HCRTR2: variants seen among roughly 807,000 people sequenced by gnomAD.
HCRTR2 encodes the protein orexin receptor type 2.
Under a neutral mutation model 49.0 loss-of-function variants are expected in HCRTR2, and 22 were observed. The ratio of observed to expected loss-of-function variants is 0.45; its 90% CI spans 0.32 to 0.64. The LOEUF (loss-of-function observed/expected upper bound fraction) is 0.64, where lower values mean the gene tolerates loss of function less well. HCRTR2 is among the 30% of genes least tolerant of loss of function. The probability of loss-of-function intolerance (pLI) is 0.04; values close to 1 mark genes in which losing one functional copy is unlikely to be tolerated. For synonymous variants in HCRTR2, 236 were observed against 205.3 expected (o/e 1.15, Z -1.28); for missense variants, 491 against 559.4 (o/e 0.88, Z 1.23).
chr6:55,194,178 G>T (rs1330898834), intron 1 of HCRTR2, among the ~76,000 whole-genome samples: 1 of 152,102 alleles, frequency 6.6e-6, no homozygotes. Context: ...ACCTTAGAAT[G>T]GGAGTTTCCA....
chr6:55,177,657 T>G (rs1488832055), intron 1 of HCRTR2, among the ~76,000 whole-genome samples: 1 of 152,174 alleles, frequency 6.6e-6, no homozygotes, highest in African/African-American at 2.4e-5. Flanking sequence ...ACAAATATAA[T>G]GCCATCAGTT....
At position 55,174,772 on chromosome 6, in the gene HCRTR2, T is replaced by A; in HGVS notation, c.185T>A (p.Ile62Asn). 1 of 1,613,954 alleles carries A rather than the reference T, an allele frequency of 6.2e-7. No homozygotes were observed. The highest frequency in any genetic ancestry group is 1.1e-5 in the South Asian group (1 of 91,078). The change falls in exon 1 of 7, where the codon ATC (isoleucine) becomes AAC (asparagine). Residue 62 changes from isoleucine to asparagine, a missense_variant. Transcript: ENST00000370862. ...EYEWVLIAGY[I>N]IVFVVALIGN... The stretch of plus-strand genomic sequence containing the variant: ...GAGTGGGTCCTGATCGCCGGGTACA[T>A]CATCGTGTTCGTCGTGGCTCTCATT...
chr6:55,162,654 A>C (rs899180794), intron 1 of HCRTR2, among the ~76,000 whole-genome samples: 1 of 152,212 alleles, frequency 6.6e-6, no homozygotes, highest in Non-Finnish European at 1.5e-5. Context: ...AGGATACAAA[A>C]TCAATGTGCA....
At chr6:55,248,361 A>G (rs1460706930) in intron 1 of HCRTR2, among the ~76,000 whole-genome samples, 1 of 152,120 alleles carries the variant, frequency 6.6e-6, no homozygotes, top group Non-Finnish European at 1.5e-5. Flanking sequence ...TGAATCAAAG[A>G]CCATTTTAAA....
At chr6:55,208,319 TAAAAAAATAA>T (rs1423488387) in intron 1 of HCRTR2, among the ~76,000 whole-genome samples, 1 of 126,736 alleles carries the variant, frequency 7.9e-6, no homozygotes, top group Non-Finnish European at 1.7e-5. Context: ...CTACGAAAAA[TAAAAAAATAA>T]AAAAAAAAAA....
chr6:55,262,721 T>C (rs1287028391), intron 3 of HCRTR2, among the ~76,000 whole-genome samples: 2 of 137,836 alleles, frequency 1.5e-5, no homozygotes, highest in African/African-American at 2.7e-5. Flanking sequence ...TGTATTTATG[T>C]ACATATATAA....
chr6:55,162,061 T>C (rs937671304), intron 1 of HCRTR2, among the ~76,000 whole-genome samples: 1 of 152,192 alleles, frequency 6.6e-6, no homozygotes, highest in Non-Finnish European at 1.5e-5. Context: ...AATATATCCC[T>C]GATTAACACC....
intron 1 of HCRTR2, among the ~76,000 whole-genome samples, chr6:55,122,780 T>C (rs1441972969): frequency 1.3e-5 from 2 of 152,026 alleles, no homozygotes; most frequent in South Asian, 2.1e-4. Context: ...TGGAATACTA[T>C]GCAGCCATAA....
chr6:55,139,345 C>T (rs1669372674), intron 1 of HCRTR2, among the ~76,000 whole-genome samples: 1 of 152,154 alleles, frequency 6.6e-6, no homozygotes, highest in South Asian at 2.1e-4. Context: ...TTAGTGCACA[C>T]ACAGGGACAT....
chr6:55,117,704 C>G (rs1764137407), intron 1 of HCRTR2, among the ~76,000 whole-genome samples: 1 of 148,524 alleles, frequency 6.7e-6, no homozygotes, highest in African/African-American at 2.5e-5. Flanking sequence ...GATTTCACTT[C>G]CTGATTCCAC....
chr6:55,279,520 A>AAACACATACACACACACACACAC (rs1767146283), intron 5 of HCRTR2, among the ~76,000 whole-genome samples: 1 of 142,680 alleles, frequency 7.0e-6, no homozygotes, highest in African/African-American at 2.6e-5. Flanking sequence ...TTCTTGCTGT[A>AAACACATACACACACACACACAC]ACACACACAC....
chr6:55,224,516 G>A (rs1041014646), intron 1 of HCRTR2, among the ~76,000 whole-genome samples: 4 of 151,974 alleles, frequency 2.6e-5, no homozygotes, highest in Admixed American at 6.6e-5. Context: ...CCAGCTACCC[G>A]GGAGGCTGAG....
intron 1 of HCRTR2, among the ~76,000 whole-genome samples, chr6:55,167,789 C>T (rs1764898518): frequency 6.6e-6 from 1 of 152,086 alleles, no homozygotes; most frequent in African/African-American, 2.4e-5. Context: ...AGACTTGAAC[C>T]CACTCTTTTT....
intron 1 of HCRTR2, among the ~76,000 whole-genome samples, chr6:55,116,375 A>T (rs1232200659): frequency 1.3e-5 from 2 of 151,620 alleles, no homozygotes; most frequent in African/African-American, 4.8e-5. Flanking sequence ...TTAATTAGGG[A>T]ATATATATAT....
Position 55,263,695 on chromosome 6 carries a change from C to T in HCRTR2, c.647-12C>T. The T allele has an allele frequency of 4.0e-6, 6 of 1,482,620 alleles. No homozygotes were observed. Among genetic ancestry groups the T allele is most frequent in the African/African-American group, 1.4e-5 (1 of 72,532 alleles). 91.8% of individuals were successfully genotyped at this position (1,482,620 alleles called of 1,614,324 possible). ...GTAACGTAAGGTTTTGTTGTTTTGACTTTCATCCTAGGTGAAATTTATCCC... is the reference window on the plus strand; with the variant it reads ...GTAACGTAAGGTTTTGTTGTTTTGATTTTCATCCTAGGTGAAATTTATCCC... On this transcript the variant is annotated splice_polypyrimidine_tract_variant and intron_variant, in intron 3 of 6. Transcript: ENST00000370862.
intron 1 of HCRTR2, among the ~76,000 whole-genome samples, chr6:55,239,396 T>A (rs1766276774): frequency 6.6e-6 from 1 of 152,212 alleles, no homozygotes; most frequent in Non-Finnish European, 1.5e-5. Context: ...TTCTTCACTG[T>A]ATTTTTCCTG....
intron 1 of HCRTR2, among the ~76,000 whole-genome samples, chr6:55,246,026 T>C (rs986515232): frequency 6.6e-6 from 1 of 151,878 alleles, no homozygotes; most frequent in Non-Finnish European, 1.5e-5. Context: ...AGAAACACAG[T>C]AGAATGTCAT....
At chr6:55,245,306 T>C (rs536341161) in intron 1 of HCRTR2, among the ~76,000 whole-genome samples, 1 of 149,380 alleles carries the variant, frequency 6.7e-6, no homozygotes, top group Non-Finnish European at 1.5e-5. Flanking sequence ...TTTTTTCTTT[T>C]TATTTCTTCT....
At chr6:55,281,569 A>C (rs1458110442) in intron 6 of HCRTR2, among the ~76,000 whole-genome samples, 2 of 152,218 alleles carry the variant, frequency 1.3e-5, no homozygotes, top group Admixed American at 1.3e-4. Context: ...GCTGAGGCTA[A>C]GAGAGAAGAA....
Sources: allele counts gnomAD v4.1 joint callset (sites outside exome capture counted in the v4.1 genomes callset), GRCh38; gene constraint gnomAD v4.1.1; transcripts MANE v1.5; gene names NCBI Gene and HGNC (gene_info 2026-07-23, HGNC 2026-07-21).